Variants in PRKCE observed in about 807,000 individuals in gnomAD.
PRKCE encodes protein kinase C epsilon.
PRKCE carries 16 observed loss-of-function variants against 85.4 expected under a neutral mutation model. The ratio of observed to expected loss-of-function variants is 0.19; its 90% CI spans 0.13 to 0.28. The LOEUF (loss-of-function observed/expected upper bound fraction) is 0.28. Among genes scored for constraint, PRKCE ranks in the 10% least tolerant of loss-of-function variants. The pLI is 1.00. For synonymous variants in PRKCE, 388 were observed against 371.5 expected (o/e 1.04, Z -0.51); for missense variants, 573 against 975.2 (o/e 0.59, Z 5.49).
chr2:45,697,755 C>T lies in PRKCE; in HGVS notation c.348+45307C>T, dbSNP rs910485677. ...CTCTCTTACTTTGAGGTTCCCATTTCCAGACTGAAAGGACAGACTACCTCT... is the reference window on the plus strand; with the variant it reads ...CTCTCTTACTTTGAGGTTCCCATTTTCAGACTGAAAGGACAGACTACCTCT... On this transcript the variant is annotated intron_variant, in intron 1 of 14. Transcript: ENST00000306156. This position sits in a 1 kb window ranked among gnomAD's most constrained non-coding sequence, Gnocchi z 4.2. Among the ~76,000 whole-genome samples the T allele has an allele frequency of 6.6e-6, 1 of 152,180 alleles. No homozygotes were observed. The highest frequency in any genetic ancestry group is 1.5e-5 in the Non-Finnish European group (1 of 68,040).
Position 45,741,057 on chromosome 2 carries a change from T to C in PRKCE, c.348+88609T>C, listed in dbSNP as rs983648125. On this transcript the variant is annotated intron_variant, in intron 1 of 14. Coordinates refer to ENST00000306156, the MANE Select transcript of PRKCE (RefSeq NM_005400.3). ...CTTTTTGTGAAAAAATTAAAAAGGT[T>C]GCTCACCAGTTGCTAAAATTAAATG... 9.2e-5 allele frequency among the ~76,000 whole-genome samples: 14 copies of C among 152,248 alleles called. 1 individual carries two copies. The highest frequency in any genetic ancestry group is 3.4e-4 in the African/African-American group (14 of 41,468).
chr2:45,957,471 A>G (rs1701048135), intron 2 of PRKCE, among the ~76,000 whole-genome samples: 1 of 147,094 alleles, frequency 6.8e-6, no homozygotes, highest in African/African-American at 2.7e-5. Context: ...CTATTTGCCT[A>G]TGTGTTTGTT....
chr2:46,067,799 T>TA (rs1356515043), intron 10 of PRKCE, among the ~76,000 whole-genome samples: 1 of 152,132 alleles, frequency 6.6e-6, no homozygotes, highest in Non-Finnish European at 1.5e-5. Context: ...AACTTGGTAA[T>TA]AACTACTTAG....
intron 3 of PRKCE, among the ~76,000 whole-genome samples, 171 bp downstream of exon 3, chr2:45,976,759 G>C (rs1051215161): frequency 2.6e-5 from 4 of 152,060 alleles, no homozygotes; most frequent in Non-Finnish European, 4.4e-5. Flanking sequence ...TGGTACATAG[G>C]GGGAAATACA....
chr2:45,791,866 A>G (rs1687062110), intron 1 of PRKCE, among the ~76,000 whole-genome samples: 2 of 152,172 alleles, frequency 1.3e-5, no homozygotes, highest in Admixed American at 6.5e-5. Context: ...CCCGGTTCAA[A>G]TACATTTGAC....
chr2:45,874,864 T>G (rs1424274973), intron 2 of PRKCE, among the ~76,000 whole-genome samples: 1 of 152,174 alleles, frequency 6.6e-6, no homozygotes, highest in Non-Finnish European at 1.5e-5. Context: ...ATGAAGTGCC[T>G]TATTCTACTT....
At chr2:45,746,078 G>C (rs1683112109) in intron 1 of PRKCE, among the ~76,000 whole-genome samples, 2 of 152,186 alleles carry the variant, frequency 1.3e-5, no homozygotes, top group African/African-American at 2.4e-5. Context: ...CTAAGTATCT[G>C]TCTCTGCTTT....
At chr2:45,944,528 G>T (rs1007002564) in intron 2 of PRKCE, among the ~76,000 whole-genome samples, 1 of 151,854 alleles carries the variant, frequency 6.6e-6, no homozygotes, top group Non-Finnish European at 1.5e-5. Flanking sequence ...TTGCTCTGTC[G>T]CCCAGGCTGG....
At chr2:45,857,791 T>C (rs1692796859) in intron 2 of PRKCE, among the ~76,000 whole-genome samples, 1 of 152,188 alleles carries the variant, frequency 6.6e-6, no homozygotes, top group African/African-American at 2.4e-5. Context: ...ATCTAAGCTC[T>C]ATCGGGGCAG....
intron 10 of PRKCE, among the ~76,000 whole-genome samples, chr2:46,075,206 A>G (rs1331387155): frequency 6.6e-6 from 1 of 151,806 alleles, no homozygotes; most frequent in East Asian, 2.0e-4. Context: ...ACGCCCGGCT[A>G]ACTTTTTGTA....
chr2:45,882,535 A>G (rs1234023473), intron 2 of PRKCE, among the ~76,000 whole-genome samples: 1 of 152,230 alleles, frequency 6.6e-6, no homozygotes, highest in African/African-American at 2.4e-5. Context: ...CCAAAGAAAA[A>G]TGATGTTTGG....
chr2:45,964,562 T>G (rs1701608332), intron 2 of PRKCE, among the ~76,000 whole-genome samples: 1 of 152,228 alleles, frequency 6.6e-6, no homozygotes, highest in Admixed American at 6.5e-5. Context: ...ACCAGAAGCA[T>G]GCAGTAAAGT....
At chr2:46,182,428 T>C (rs1680079705) in intron 14 of PRKCE, among the ~76,000 whole-genome samples, 1 of 152,158 alleles carries the variant, frequency 6.6e-6, no homozygotes, top group Admixed American at 6.5e-5. Context: ...GGAGAACAGA[T>C]GGTCCTCCTG....
intron 11 of PRKCE, among the ~76,000 whole-genome samples, chr2:46,144,547 T>C (rs1382146199): frequency 6.6e-6 from 1 of 152,196 alleles, no homozygotes; most frequent in Non-Finnish European, 1.5e-5. Context: ...ACCATGTTTC[T>C]CTTGAGGGGC....
rs558886696 is a variant in PRKCE at position 46,059,018 on chromosome 2, T to C, written c.1438-27190T>C. ...CCACTAAAAGTGTCATTTTAAGTAA[T>C]AGAATAAAAGATCATTCAGGCTGGT... On this transcript the variant is annotated intron_variant, in intron 10 of 14. Transcript: ENST00000306156. 2.6e-5 allele frequency among the ~76,000 whole-genome samples: 4 copies of C among 152,292 alleles called. No homozygotes were observed. In the East Asian group the frequency reaches 5.8e-4, roughly 22 times the overall value.
intron 1 of PRKCE, 147 bp from the exon 2 acceptor site, chr2:45,842,853 C>G (rs1485545583): frequency 1.3e-6 from 1 of 748,126 alleles, no homozygotes; most frequent in African/African-American, 1.7e-5. Flanking sequence ...AGGTCTGCAT[C>G]TCACCTAGCA....
At chr2:46,166,176 C>T (rs1454865037) in intron 14 of PRKCE, among the ~76,000 whole-genome samples, 1 of 152,262 alleles carries the variant, frequency 6.6e-6, no homozygotes, top group Non-Finnish European at 1.5e-5. Flanking sequence ...GACCCGCACA[C>T]TTCACCAACT....
At chr2:45,761,203 T>C (rs1684457421) in intron 1 of PRKCE, among the ~76,000 whole-genome samples, 1 of 151,542 alleles carries the variant, frequency 6.6e-6, no homozygotes, top group Admixed American at 6.6e-5. Context: ...GGTGGGCGCC[T>C]GTGGTCTCAG....
At chr2:46,137,602 A>G (rs1460696023) in intron 11 of PRKCE, among the ~76,000 whole-genome samples, 3 of 151,554 alleles carry the variant, frequency 2.0e-5, no homozygotes, top group Non-Finnish European at 4.4e-5. Context: ...ATTACAAAAA[A>G]AAAAAAAAAA....
Sources: gnomAD v4.1 joint callset for allele counts (sites outside exome capture counted in the v4.1 genomes callset) on GRCh38, gnomAD v4.1.1 for gene constraint, Gnocchi (gnomAD v3.1) non-coding constraint, MANE v1.5 for transcripts, NCBI Gene and HGNC (gene_info 2026-07-23, HGNC 2026-07-21) for gene names.